BORCS7: variants seen among roughly 807,000 people sequenced by gnomAD.
BORCS7 encodes the protein BLOC-1 related complex subunit 7.
In BORCS7, 20 loss-of-function variants were observed where a neutral mutation model predicts 17.5. That is an observed-to-expected ratio of 1.14 (90% CI 0.80 to 1.66). BORCS7 has a LOEUF of 1.66. Among genes scored for constraint, BORCS7 ranks in the 40% most tolerant of loss-of-function variants. The pLI, the probability that BORCS7 is intolerant of heterozygous loss-of-function variation, is 0.00. For synonymous variants in BORCS7, 57 were observed against 49.8 expected, an observed-to-expected ratio of 1.14 and a Z score of -0.61; for missense variants, 122 against 129.7, an observed-to-expected ratio of 0.94 and a Z score of 0.29.
Position 102,858,177 on chromosome 10 carries a change from AT to A in BORCS7, c.142-2154del, listed in dbSNP as rs1301013164. Among the ~76,000 whole-genome samples the A allele has an allele frequency of 1.2e-3, 130 of 111,690 alleles. 1 individual carries two copies. The highest frequency in any genetic ancestry group is 1.4e-3 in the East Asian group (5 of 3,664). The allele number at this position is 111,690 out of a possible 152,430, so 73.3% of individuals were successfully genotyped here. On this transcript the variant is annotated intron_variant, in intron 1 of 4. Coordinates refer to ENST00000339834, the MANE Select transcript of BORCS7 (RefSeq NM_001136200.2). ...GAGACCATGTCTCAAAAAAAAAAAA[AT>A]ATATATATATATAGAGAGAGAGAGC...
intron 1 of BORCS7, among the ~76,000 whole-genome samples, chr10:102,859,969 C>T (rs1003214978): frequency 3.0e-4 from 46 of 152,180 alleles, no homozygotes; most frequent in Admixed American, 6.6e-5. Flanking sequence ...TCAAATCTGC[C>T]TTTAAAGAAT....
intron 1 of BORCS7, among the ~76,000 whole-genome samples, chr10:102,859,783 T>C (rs1844488167): frequency 6.6e-6 from 1 of 151,612 alleles, no homozygotes; most frequent in South Asian, 2.1e-4. Context: ...AGGCTGGTCT[T>C]AAACTCCTGA....
chr10:102,854,363 C>A lies in BORCS7; in HGVS notation c.77C>A (p.Thr26Asn), dbSNP rs1295973025. The change falls in exon 1 of 5, where the codon ACC becomes AAC. Residue 26 changes from threonine (T) to asparagine (N), a missense_variant. Physicochemically the swap from Thr to Asn is moderately conservative, Grantham distance 65. Coordinates refer to ENST00000339834, the MANE Select transcript of BORCS7 (RefSeq NM_001136200.2). The part of the protein sequence containing the change: ...SVKGLLTEKV[T>N]TCGTDVIALT... ...AAGGGGCTTCTCACGGAGAAGGTGA[C>A]CACCTGTGGTACTGACGTAATCGCG... 1.7e-5 allele frequency: 27 copies of A among 1,581,186 alleles called. No homozygotes were observed. The highest frequency in any genetic ancestry group is 2.1e-5 in the Non-Finnish European group (24 of 1,162,886).
chr10:102,860,633 G>A, intron 3 of BORCS7, 92 bp downstream of exon 3: 1 of 1,379,156 alleles, frequency 7.3e-7, no homozygotes. Context: ...TTCCTGTGGA[G>A]GCCAGAGTGG....
At chr10:102,857,739 T>C (rs1190571788) in intron 1 of BORCS7, among the ~76,000 whole-genome samples, 1 of 152,168 alleles carries the variant, frequency 6.6e-6, no homozygotes, top group Non-Finnish European at 1.5e-5. Context: ...AATAATGTTA[T>C]GGTCACCTGT....
In BORCS7 at chr10:102,862,413, C is replaced by A. The variant is rs552426631; in HGVS notation, c.269+233C>A. The stretch of plus-strand genomic sequence containing the variant: ...TTCTAAAAGTTATGGGGTATAGAGA[C>A]CAACCTTAAGGAGTAGAAAACCTTT... On this transcript the variant is annotated intron_variant, in intron 4 of 4. Coordinates refer to ENST00000339834, the MANE Select transcript of BORCS7 (RefSeq NM_001136200.2). 5.9e-5 allele frequency among the ~76,000 whole-genome samples: 9 copies of A among 152,232 alleles called. No homozygotes were observed. In the South Asian group the frequency reaches 1.9e-3, roughly 32 times the overall value.
chr10:102,862,227 C>T, intron 4 of BORCS7, 47 bp downstream of exon 4: 5 of 1,565,432 alleles, frequency 3.2e-6, no homozygotes, highest in Non-Finnish European at 2.6e-6. Flanking sequence ...CTGAAGCAGG[C>T]TGGGGGGATT....
chr10:102,857,085 TA>T (rs1844439293), intron 1 of BORCS7, among the ~76,000 whole-genome samples: 1 of 152,152 alleles, frequency 6.6e-6, no homozygotes, highest in Non-Finnish European at 1.5e-5. Context: ...TTCTAAACCC[TA>T]ACTTTTAAGT....
At chr10:102,858,201 AGCGAGC>A in intron 1 of BORCS7, among the ~76,000 whole-genome samples, 1 of 138,484 alleles carries the variant, frequency 7.2e-6, no homozygotes, top group South Asian at 2.9e-4. Context: ...AGAGAGAGAG[AGCGAGC>A]GAGAGAGAGA....
At position 102,862,876 on chromosome 10, in the gene BORCS7, T is replaced by G. The variant is rs1233727395; in HGVS notation, c.273T>G (p.Val91=). ...QYQQEAIQKN[V]EQSSDLQDQL... is the part of the protein sequence containing the mutation. Reference sequence around the variant, plus strand: ...CTGTCTCTATTCTAATTCCTAGTGTTGAACAGTCATCGGATCTACAGGACC... The same window carrying G: ...CTGTCTCTATTCTAATTCCTAGTGTGGAACAGTCATCGGATCTACAGGACC... Residue 91 remains valine (V), a synonymous_variant, in exon 5 of 5, where the codon GTT becomes GTG. Transcript: ENST00000339834. 6.2e-7 allele frequency: 1 copy of G among 1,606,324 alleles called. No homozygotes were observed. The highest frequency in any genetic ancestry group is 1.1e-5 in the South Asian group (1 of 90,898).
chr10:102,854,550 GTCT>G lies in BORCS7; in HGVS notation c.141+129_141+131del, dbSNP rs1463472541. ...GCTGTGAAGTACTTGCTATGAGTAG[GTCT>G]TCTTCGCGGAGGCGCGTGTTGCATT... On this transcript the variant is annotated intron_variant, in intron 1 of 4. Transcript: ENST00000339834. The G allele has an allele frequency of 5.4e-5, 67 of 1,230,800 alleles. No individual in the cohort carries two copies. In the Admixed American group the frequency reaches 1.5e-3, roughly 27 times the overall value. The allele number at this position is 1,230,800 out of a possible 1,614,324, so 76.2% of individuals were successfully genotyped here.
intron 3 of BORCS7, 113 bp downstream of exon 3, chr10:102,860,654 G>A: frequency 1.7e-6 from 2 of 1,162,532 alleles, no homozygotes; most frequent in South Asian, 1.3e-5. Context: ...GAGTAAAGGT[G>A]GGGGTGGCCA....
intron 1 of BORCS7, among the ~76,000 whole-genome samples, chr10:102,857,294 G>C (rs945824137): frequency 6.6e-6 from 1 of 152,154 alleles, no homozygotes; most frequent in Non-Finnish European, 1.5e-5. Context: ...CTTAACCAGA[G>C]TAAGGGCATA....
rs991930947 is a variant in BORCS7 at position 102,864,863 on chromosome 10, A to G, written c.*1939A>G. 6.6e-6 allele frequency: 1 copy of G among 152,168 alleles called. No individual in the cohort carries two copies. Among genetic ancestry groups the G allele is most frequent in the Non-Finnish European group, 1.5e-5 (1 of 68,024 alleles). 9.4% of individuals were successfully genotyped at this position (152,168 alleles called of 1,614,324 possible). ...AGTTGTAGAGGTTGTGCCGGAAGATAATATTTTTAAAATAACAAATGTTCA... is the reference window on the plus strand; with the variant it reads ...AGTTGTAGAGGTTGTGCCGGAAGATGATATTTTTAAAATAACAAATGTTCA... On this transcript the variant is annotated 3_prime_UTR_variant, in exon 5 of 5. Transcript: ENST00000339834.
At chr10:102,860,621 CT>C in intron 3 of BORCS7, 80 bp downstream of exon 3, 1 of 1,503,912 alleles carries the variant, frequency 6.6e-7, no homozygotes, top group East Asian at 2.3e-5. Flanking sequence ...TGCTTCAGCA[CT>C]TTCCTGTGGA....
intron 1 of BORCS7, among the ~76,000 whole-genome samples, chr10:102,858,272 G>T (rs546284073): frequency 6.6e-6 from 1 of 151,782 alleles, no homozygotes; most frequent in South Asian, 2.1e-4. Flanking sequence ...TTTTAAGTAG[G>T]AAAGTGGTAT....
Position 102,860,206 on chromosome 10 carries a change from A to T in BORCS7, c.142-126A>T, listed in dbSNP as rs566553231. 31 of 730,672 alleles carry T rather than the reference A, an allele frequency of 4.2e-5. No homozygotes were observed. In the East Asian group the frequency reaches 7.8e-4, roughly 18 times the overall value. The allele number at this position is 730,672 out of a possible 1,614,324, so 45.3% of individuals were successfully genotyped here. On this transcript the variant is annotated intron_variant, in intron 1 of 4. Transcript: ENST00000339834. ...GAAAATTATCCTTCATTACATTTTG[A>T]GTGTTTGTGGTTGTATAGGGTGGAG...
intron 4 of BORCS7, 142 bp from the exon 5 acceptor site, chr10:102,862,731 T>C: frequency 1.5e-6 from 1 of 689,554 alleles, no homozygotes; most frequent in Admixed American, 2.4e-5. Flanking sequence ...GGAGGATTGC[T>C]TGAGCCCAGA....
chr10:102,854,469 G>C (rs1177335756), intron 1 of BORCS7, 42 bp downstream of exon 1: 2 of 1,507,710 alleles, frequency 1.3e-6, no homozygotes. Context: ...AGTCCGGGGA[G>C]TCGCAGTCTT....
Sources: gnomAD v4.1 joint callset for allele counts (sites outside exome capture counted in the v4.1 genomes callset) on GRCh38, gnomAD v4.1.1 for gene constraint, MANE v1.5 for transcripts, NCBI Gene and HGNC (gene_info 2026-07-23, HGNC 2026-07-21) for gene names.